YAP1: variants seen among roughly 807,000 people sequenced by gnomAD.
YAP1 encodes the protein transcriptional coactivator YAP1.
Under a neutral mutation model 56.9 loss-of-function variants are expected in YAP1, and 5 were observed. The observed-to-expected ratio is 0.09, with a 90% CI of 0.05 to 0.18. YAP1 has a LOEUF of 0.18. YAP1 is among the 10% of genes least tolerant of loss of function. The pLI is 1.00. For missense variants in YAP1, 539 were observed against 651.8 expected (o/e 0.83, Z 1.88); for synonymous variants, 265 against 248.1 (o/e 1.07, Z -0.64).
intron 2 of YAP1, among the ~76,000 whole-genome samples, chr11:102,146,262 A>G (rs1018840821): frequency 2.6e-5 from 4 of 152,094 alleles, no homozygotes; most frequent in South Asian, 2.1e-4. Flanking sequence ...GCCCCAAGCA[A>G]TCCTCACACC....
intron 3 of YAP1, among the ~76,000 whole-genome samples, chr11:102,179,757 T>C (rs1947473201): frequency 6.6e-6 from 1 of 152,212 alleles, no homozygotes; most frequent in South Asian, 2.1e-4. Flanking sequence ...CTGTCTTCTA[T>C]CTGGAACATA....
chr11:102,227,314 G>T (rs546675287), intron 7 of YAP1, among the ~76,000 whole-genome samples, 155 bp from the exon 8 acceptor site: 178 of 152,316 alleles, frequency 1.2e-3, no homozygotes, highest in African/African-American at 4.0e-3. Flanking sequence ...CCTGTCTATG[G>T]CCCTGAGGGA....
intron 1 of YAP1, among the ~76,000 whole-genome samples, chr11:102,113,090 A>G (rs896744198): frequency 1.3e-5 from 2 of 152,156 alleles, no homozygotes; most frequent in Non-Finnish European, 2.9e-5. Flanking sequence ...CTGATGGGAA[A>G]CTCAAAAAGG....
At chr11:102,175,996 A>C (rs149249510) in intron 3 of YAP1, among the ~76,000 whole-genome samples, 3 of 152,332 alleles carry the variant, frequency 2.0e-5, no homozygotes, top group Non-Finnish European at 4.4e-5. Context: ...TTTAAGGCAT[A>C]TATGGTCAAG....
chr11:102,126,544 C>T (rs1248500869), intron 2 of YAP1, among the ~76,000 whole-genome samples: 1 of 152,188 alleles, frequency 6.6e-6, no homozygotes, highest in South Asian at 2.1e-4. Flanking sequence ...TGCCTCTCAC[C>T]TCCCGCCATG....
At chr11:102,216,611 G>A (rs778582299) in intron 6 of YAP1, among the ~76,000 whole-genome samples, 12 of 151,980 alleles carry the variant, frequency 7.9e-5, no homozygotes, top group Admixed American at 1.3e-4. Flanking sequence ...ATAAGCCTTG[G>A]GACATAATTG....
At chr11:102,167,496 A>T (rs986025851) in intron 3 of YAP1, among the ~76,000 whole-genome samples, 3 of 152,228 alleles carry the variant, frequency 2.0e-5, no homozygotes, top group Non-Finnish European at 4.4e-5. Flanking sequence ...GAACTTTGGG[A>T]GGCCAAGGTG....
At chr11:102,162,310 A>AGG in intron 2 of YAP1, 146 bp from the exon 3 acceptor site, 1 of 610,370 alleles carries the variant, frequency 1.6e-6, no homozygotes, top group East Asian at 2.7e-5. Flanking sequence ...TCTGTTGCAG[A>AGG]GGGAGGCTGG....
At chr11:102,181,123 G>T (rs1947588511) in intron 3 of YAP1, among the ~76,000 whole-genome samples, 1 of 151,690 alleles carries the variant, frequency 6.6e-6, no homozygotes. Context: ...CTCCATCCTG[G>T]GTGACAGAAT....
rs756580354 is a variant in YAP1 at position 102,162,531 on chromosome 11, C to T, written c.648C>T (p.Thr216=). ...MLSQMNVTAP[T]SPPVQQNMMN... ...CCCAGATGAACGTCACAGCCCCCACCAGTCCACCAGTGCAGCAGAATATGA... is the reference window on the plus strand; with the variant it reads ...CCCAGATGAACGTCACAGCCCCCACTAGTCCACCAGTGCAGCAGAATATGA... The change falls in exon 3 of 9, where the codon ACC becomes ACT. Residue 216 remains threonine (T), a synonymous_variant. Coordinates refer to ENST00000282441, the MANE Select transcript of YAP1 (RefSeq NM_001130145.3). The T allele has an allele frequency of 2.5e-6, 4 of 1,614,198 alleles. No homozygotes were observed. In the East Asian group the frequency reaches 6.7e-5, roughly 27 times the overall value.
chr11:102,196,789 G>T (rs1424858854), intron 4 of YAP1, among the ~76,000 whole-genome samples: 1 of 152,024 alleles, frequency 6.6e-6, no homozygotes, highest in African/African-American at 2.4e-5. Flanking sequence ...TGTCATTTAG[G>T]TATATAGTGT....
intron 2 of YAP1, among the ~76,000 whole-genome samples, chr11:102,156,362 A>T (rs1945944452): frequency 6.6e-6 from 1 of 152,190 alleles, no homozygotes; most frequent in Admixed American, 6.5e-5. Context: ...AACTGTTGTT[A>T]TTCATAAAAA....
chr11:102,157,615 A>G (rs546865651), intron 2 of YAP1, among the ~76,000 whole-genome samples: 1 of 152,332 alleles, frequency 6.6e-6, no homozygotes, highest in East Asian at 1.9e-4. Flanking sequence ...TTAATAAAAA[A>G]AGATTGTTTA....
intron 3 of YAP1, among the ~76,000 whole-genome samples, chr11:102,180,589 G>A (rs1331156243): frequency 6.6e-6 from 1 of 150,618 alleles, no homozygotes; most frequent in Non-Finnish European, 1.5e-5. Context: ...TGCTGAGGCA[G>A]GAGAATGGCA....
intron 2 of YAP1, among the ~76,000 whole-genome samples, chr11:102,155,791 A>G (rs1176016911): frequency 2.0e-5 from 3 of 152,220 alleles, no homozygotes; most frequent in Non-Finnish European, 4.4e-5. Flanking sequence ...GTCACCATAA[A>G]TATACAGTGA....
chr11:102,114,253 C>G lies in YAP1; in HGVS notation c.431C>G (p.Pro144Arg), dbSNP rs756063812. ...LGAVSPGTLTPTGVVSGPAAT... is the reference protein window; with the variant it reads ...LGAVSPGTLTRTGVVSGPAAT... ...GCTGTTTCTCCTGGGACACTGACCC[C>G]CACTGGAGTAGTCTCTGGCCCAGCA... Residue 144 changes from proline (P) to arginine (R), a missense_variant, in exon 2 of 9, where the codon CCC becomes CGC. Around this residue, in one of 4 missense-constraint regions of YAP1, gnomAD observed 414 missense variants for 512.4 expected, o/e 0.81. Transcript: ENST00000282441. 5.6e-6 allele frequency: 9 copies of G among 1,614,166 alleles called. No individual in the cohort carries two copies. The highest frequency in any genetic ancestry group is 7.6e-6 in the Non-Finnish European group (9 of 1,180,012).
intron 4 of YAP1, among the ~76,000 whole-genome samples, chr11:102,192,790 A>G (rs1422547518): frequency 6.6e-6 from 1 of 152,210 alleles, no homozygotes; most frequent in African/African-American, 2.4e-5. Flanking sequence ...TATTTATTGC[A>G]CCATTTAAGT....
At chr11:102,209,456 C>A in intron 5 of YAP1, 61 bp from the exon 6 acceptor site, 2 of 1,438,380 alleles carry the variant, frequency 1.4e-6, no homozygotes, top group Non-Finnish European at 1.9e-6. Context: ...TGTAAGTCAG[C>A]CTACACAGCC....
chr11:102,151,573 A>G (rs1331173407), intron 2 of YAP1, among the ~76,000 whole-genome samples: 1 of 152,150 alleles, frequency 6.6e-6, no homozygotes, highest in Non-Finnish European at 1.5e-5. Flanking sequence ...GTCATTTTAT[A>G]TTCAAGTTGT....
Sources: allele counts gnomAD v4.1 joint callset (sites outside exome capture counted in the v4.1 genomes callset), GRCh38; gene constraint gnomAD v4.1.1; regional missense constraint gnomAD v4.1.1; transcripts MANE v1.5; gene names NCBI Gene and HGNC (gene_info 2026-07-23, HGNC 2026-07-21).